PCDHA3: variants seen among roughly 807,000 people sequenced by gnomAD.
The protein encoded by PCDHA3 is protocadherin alpha 3, also known as protocadherin alpha-3.
In PCDHA3, 41 loss-of-function variants were observed where a neutral mutation model predicts 62.2. The observed-to-expected ratio is 0.66, with a 90% CI of 0.51 to 0.86. The LOEUF (loss-of-function observed/expected upper bound fraction) is 0.86. Ranked by LOEUF, PCDHA3 falls within the 40% of genes least tolerant of loss-of-function variation. The probability of loss-of-function intolerance (pLI) is 0.00; values close to 1 mark genes in which losing one functional copy is unlikely to be tolerated. For synonymous variants in PCDHA3, 640 were observed against 555.4 expected (o/e 1.15, Z -2.14); for missense variants, 1,304 against 1,241.2 (o/e 1.05, Z -0.76).
chr5:140,877,262 T>C (rs1554169532), intron 1 of PCDHA3: 2 of 1,613,670 alleles, frequency 1.2e-6, no homozygotes, highest in South Asian at 2.2e-5. Flanking sequence ...GTGCGCGCGG[T>C]GGACGCTGAC....
intron 3 of PCDHA3, among the ~76,000 whole-genome samples, chr5:140,983,660 A>G (rs1460631508): frequency 6.6e-6 from 1 of 152,244 alleles, no homozygotes; most frequent in African/African-American, 2.4e-5. Context: ...TAAGTGGCAG[A>G]GGGTAGGATT....
intron 1 of PCDHA3, among the ~76,000 whole-genome samples, chr5:140,913,414 CA>C: frequency 6.6e-6 from 1 of 152,102 alleles, no homozygotes; most frequent in African/African-American, 2.4e-5. Context: ...TGAATTCCTG[CA>C]GTATCAGTTG....
At chr5:140,852,715 C>T in intron 1 of PCDHA3, 1 of 981,378 alleles carries the variant, frequency 1.0e-6, no homozygotes, top group Non-Finnish European at 1.2e-6. Context: ...TTTGTCTTTG[C>T]ACGTTTTTCA....
chr5:140,828,608 A>G, intron 1 of PCDHA3: 7 of 1,614,220 alleles, frequency 4.3e-6, no homozygotes, highest in Non-Finnish European at 5.9e-6. Flanking sequence ...CTATAAACTC[A>G]GTTCTAGCGA....
intron 1 of PCDHA3, chr5:140,824,156 T>G (rs200693729): frequency 1.7e-5 from 27 of 1,611,492 alleles, no homozygotes; most frequent in Non-Finnish European, 2.2e-5. Context: ...ACATCCATCT[T>G]TCCCTCCCAA....
intron 1 of PCDHA3, chr5:140,837,051 A>G (rs1246258340): frequency 3.1e-5 from 6 of 195,270 alleles, no homozygotes. Context: ...AAATATTTAC[A>G]TTTCCATATT....
chr5:140,807,924 T>G (rs1245397116), intron 1 of PCDHA3: 2 of 1,614,036 alleles, frequency 1.2e-6, no homozygotes, highest in Non-Finnish European at 1.7e-6. Flanking sequence ...GACAGAACCA[T>G]TTATAAGGTG....
chr5:140,898,275 T>C (rs13181478), intron 1 of PCDHA3, among the ~76,000 whole-genome samples: 1 of 152,166 alleles, frequency 6.6e-6, no homozygotes, highest in Non-Finnish European at 1.5e-5. Context: ...ATGCCTAAGT[T>C]CTGAATGGTA....
chr5:140,926,181 C>T (rs1298109352), intron 1 of PCDHA3, among the ~76,000 whole-genome samples: 7 of 151,718 alleles, frequency 4.6e-5, no homozygotes, highest in Admixed American at 2.6e-4. Context: ...GCGGAAAGCC[C>T]CCCGCAGCAC....
intron 3 of PCDHA3, among the ~76,000 whole-genome samples, chr5:141,000,387 C>G (rs868946328): frequency 1.5e-5 from 1 of 66,898 alleles, no homozygotes. Context: ...CTCTCTCTCT[C>G]TCTCTCTCTA....
intron 1 of PCDHA3, chr5:140,865,437 T>C (rs951308725): frequency 3.3e-5 from 5 of 152,200 alleles, no homozygotes; most frequent in Non-Finnish European, 7.3e-5. Context: ...GAAAAATAAC[T>C]TCTGAGAAGA....
At chr5:140,997,837 T>G (rs1414415987) in intron 3 of PCDHA3, among the ~76,000 whole-genome samples, 2 of 152,222 alleles carry the variant, frequency 1.3e-5, no homozygotes, top group African/African-American at 4.8e-5. Context: ...AACAATACAA[T>G]ATACATTCTT....
rs57130401 is a variant in PCDHA3, at chr5:140,838,077, AGTGTGTGTGTGTGTGT to A, written c.2394+34525_2394+34540del. On this transcript the variant is annotated intron_variant, in intron 1 of 3. Transcript: ENST00000522353. Reference sequence around the variant, plus strand: ...TTTCCACTTTAAGTTATATATATATAGTGTGTGTGTGTGTGTGTGTGTGTGTGTGTGTGTGTGTGTG... The same window carrying A: ...TTTCCACTTTAAGTTATATATATATAGTGTGTGTGTGTGTGTGTGTGTGTG... 1.6e-3 allele frequency among the ~76,000 whole-genome samples: 130 copies of A among 80,702 alleles called. 1 individual carries two copies. The highest frequency in any genetic ancestry group is 1.6e-3 in the Non-Finnish European group (64 of 41,166). 52.9% of individuals were successfully genotyped at this position (80,702 alleles called of 152,430 possible). A position where few individuals can be genotyped will look rare whatever the true frequency, so the allele number is the denominator to read the frequency against.
At chr5:140,989,546 CT>C (rs1343132361) in intron 3 of PCDHA3, among the ~76,000 whole-genome samples, 1 of 152,140 alleles carries the variant, frequency 6.6e-6, no homozygotes, top group African/African-American at 2.4e-5. Context: ...TTTGTAATTC[CT>C]TTACGTTTTG....
intron 1 of PCDHA3, among the ~76,000 whole-genome samples, chr5:140,900,019 A>T (rs1164566696): frequency 1.3e-5 from 2 of 151,964 alleles, no homozygotes; most frequent in African/African-American, 4.8e-5. Flanking sequence ...TTTGTTACCC[A>T]GTTTGGCCTT....
At chr5:140,873,162 G>A (rs782467879) in intron 1 of PCDHA3, among the ~76,000 whole-genome samples, 21 of 152,108 alleles carry the variant, frequency 1.4e-4, no homozygotes, top group Non-Finnish European at 2.2e-4. Flanking sequence ...ACTTTAGATC[G>A]AGAGCTTTTG....
intron 1 of PCDHA3, among the ~76,000 whole-genome samples, chr5:140,959,785 C>T (rs976645506): frequency 3.5e-4 from 53 of 152,280 alleles, no homozygotes; most frequent in African/African-American, 1.2e-3. Context: ...TGTATATTAA[C>T]ATGGCTAATT....
At chr5:140,871,940 T>C (rs1554165964) in intron 1 of PCDHA3, among the ~76,000 whole-genome samples, 1 of 152,226 alleles carries the variant, frequency 6.6e-6, no homozygotes, top group Non-Finnish European at 1.5e-5. Flanking sequence ...TCAACTGGCT[T>C]TGTTTTTCTA....
intron 1 of PCDHA3, chr5:140,836,790 T>G: frequency 2.1e-6 from 3 of 1,427,258 alleles, no homozygotes; most frequent in Middle Eastern, 1.8e-4. Flanking sequence ...TTAGTTCAAT[T>G]GGTCTCCTTA....
Sources: gnomAD v4.1 joint callset for allele counts (sites outside exome capture counted in the v4.1 genomes callset) on GRCh38, gnomAD v4.1.1 for gene constraint, MANE v1.5 for transcripts, NCBI Gene and HGNC (gene_info 2026-07-23, HGNC 2026-07-21) for gene names.